IKZF2: variants seen among roughly 807,000 people sequenced by gnomAD.
IKZF2 encodes the protein zinc finger protein Helios.
A neutral mutation model predicts 49.2 loss-of-function variants in IKZF2; 15 were observed. The ratio of observed to expected loss-of-function variants is 0.30; its 90% CI spans 0.20 to 0.47. The LOEUF (loss-of-function observed/expected upper bound fraction) is 0.47, where lower values mean the gene tolerates loss of function less well. Among genes scored for constraint, IKZF2 ranks in the 20% least tolerant of loss-of-function variants. The pLI, the probability that IKZF2 is intolerant of heterozygous loss-of-function variation, is 1.00. For synonymous variants in IKZF2, 227 were observed against 221.4 expected (o/e 1.03, Z -0.23); for missense variants, 567 against 664.6 (o/e 0.85, Z 1.61).
intron 4 of IKZF2, among the ~76,000 whole-genome samples, chr2:213,126,240 G>A (rs996620541): frequency 6.6e-5 from 10 of 152,102 alleles, no homozygotes; most frequent in Middle Eastern, 3.2e-3. Flanking sequence ...CAGAACTTAC[G>A]TAATGGATGG....
intron 4 of IKZF2, among the ~76,000 whole-genome samples, chr2:213,112,264 T>G (rs1283764636): frequency 6.6e-6 from 1 of 150,902 alleles, no homozygotes. Flanking sequence ...ACAGATTTAC[T>G]GAACATCAAC....
chr2:213,036,111 T>C (rs1033829537), intron 6 of IKZF2, among the ~76,000 whole-genome samples: 2 of 152,204 alleles, frequency 1.3e-5, no homozygotes, highest in Non-Finnish European at 2.9e-5. Context: ...TCAAGCCTCA[T>C]GATAGATTTT....
chr2:213,113,210 T>G (rs2059769862), intron 4 of IKZF2, among the ~76,000 whole-genome samples: 1 of 152,188 alleles, frequency 6.6e-6, no homozygotes, highest in African/African-American at 2.4e-5. Context: ...ATTCCTACTT[T>G]ATATGGATGT....
chr2:213,080,349 T>C (rs1216664156), intron 4 of IKZF2, among the ~76,000 whole-genome samples: 1 of 152,168 alleles, frequency 6.6e-6, no homozygotes, highest in Non-Finnish European at 1.5e-5. Context: ...GAAAGTATTT[T>C]GGGATATGGA....
intron 4 of IKZF2, among the ~76,000 whole-genome samples, chr2:213,085,067 AAC>A: frequency 6.6e-6 from 1 of 152,342 alleles, no homozygotes; most frequent in African/African-American, 2.4e-5. Context: ...CCAGGCACTT[AAC>A]ACAGTGGCTG....
chr2:213,034,610 A>G (rs1427753439), intron 6 of IKZF2, among the ~76,000 whole-genome samples: 1 of 152,208 alleles, frequency 6.6e-6, no homozygotes. Flanking sequence ...AACATTTATC[A>G]ACACAAAAAT....
At chr2:213,137,506 A>G (rs188619171) in intron 4 of IKZF2, among the ~76,000 whole-genome samples, 14 of 152,216 alleles carry the variant, frequency 9.2e-5, no homozygotes, top group African/African-American at 3.1e-4. Context: ...TGATCTGAGC[A>G]AGCATTTCTA....
chr2:213,148,572 A>C (rs1335461649), intron 3 of IKZF2, 24 bp downstream of exon 3: 1 of 1,575,702 alleles, frequency 6.3e-7, no homozygotes, highest in Non-Finnish European at 8.7e-7. Flanking sequence ...TACCAATAAC[A>C]AATCAATGAA....
At chr2:213,020,984 G>A (rs939585843) in intron 7 of IKZF2, among the ~76,000 whole-genome samples, 9 of 152,132 alleles carry the variant, frequency 5.9e-5, no homozygotes, top group Non-Finnish European at 1.3e-4. Context: ...AAGGCAAGGC[G>A]GGCAGCTCAC....
rs115182573 is a variant in IKZF2, at chr2:213,007,921, C to T, written c.1020G>A (p.Pro340=). Residue 340 remains proline, a synonymous_variant, in exon 9 of 9, where the codon CCG becomes CCA. Coordinates refer to ENST00000434687, the MANE Select transcript of IKZF2 (RefSeq NM_001387220.1). ...GGGCCACTTCAGCGATTGTGCTTGG[C>T]GGGTGCTGCATCAGAGGGTGAAGGG... ...AEALHPLMQH[P]PSTIAEVAPV... The T allele has an allele frequency of 6.5e-4, 1,051 of 1,613,364 alleles. 5 individuals carry two copies. In the African/African-American group the frequency reaches 0.013, roughly 20 times the overall value.
chr2:213,073,455 T>C (rs1702919308), intron 4 of IKZF2, among the ~76,000 whole-genome samples: 1 of 152,106 alleles, frequency 6.6e-6, no homozygotes, highest in Non-Finnish European at 1.5e-5. Flanking sequence ...AAACAAATGA[T>C]AGTAATCCAT....
rs549208715 is a variant in IKZF2, at chr2:213,086,023, C to A, written c.140-28924G>T. Among the ~76,000 whole-genome samples the A allele has an allele frequency of 5.9e-4, 90 of 152,154 alleles. No homozygotes were observed. In the Middle Eastern group the frequency reaches 0.01, roughly 17 times the overall value. ...ACGTGGGGTAAAGAATAATTGCTAA[C>A]CCAAACTGAGGGCAACACCAAATGC... On this transcript the variant is annotated intron_variant, in intron 4 of 8. Transcript: ENST00000434687.
At chr2:213,118,728 G>C (rs2059956026) in intron 4 of IKZF2, among the ~76,000 whole-genome samples, 1 of 150,286 alleles carries the variant, frequency 6.7e-6, no homozygotes. Context: ...TTTTGTGCTT[G>C]TGAAAAAAGA....
chr2:213,075,137 T>G (rs1703116753), intron 4 of IKZF2, among the ~76,000 whole-genome samples: 1 of 152,202 alleles, frequency 6.6e-6, no homozygotes, highest in South Asian at 2.1e-4. Context: ...TCTGTTCTGC[T>G]GGCTTAATAT....
chr2:213,074,334 A>T (rs74349653), intron 4 of IKZF2, among the ~76,000 whole-genome samples: 1,941 of 152,334 alleles, frequency 0.013, 40 homozygotes, highest in African/African-American at 0.044. Context: ...GCCGTATGGT[A>T]TATATTGCCT....
chr2:213,076,380 A>G (rs1703263525), intron 4 of IKZF2, among the ~76,000 whole-genome samples: 3 of 152,242 alleles, frequency 2.0e-5, no homozygotes, highest in Admixed American at 6.5e-5. Flanking sequence ...AGAATAAGAC[A>G]GAGAACTATT....
chr2:213,152,381 G>C (rs2061306514), upstream of IKZF2: 2 of 152,262 alleles, frequency 1.3e-5, no homozygotes, highest in South Asian at 4.1e-4. Flanking sequence ...GACCTGAAGC[G>C]GGATAAGAGG....
chr2:213,062,238 T>C lies in IKZF2; in HGVS notation c.140-5139A>G, dbSNP rs1047580850. On this transcript the variant is annotated intron_variant, in intron 4 of 8. Transcript: ENST00000434687. ...AACTGAAAATATCAATTTAAGACAT[T>C]TTTAAATATACATATTAAACTTTCT... Among the ~76,000 whole-genome samples the C allele has an allele frequency of 8.6e-5, 13 of 151,688 alleles. 1 individual carries two copies. The highest frequency in any genetic ancestry group is 3.0e-5 in the Non-Finnish European group (2 of 67,722).
At chr2:213,136,370 CAAAAAAAAAA>C (rs11325415) in intron 4 of IKZF2, among the ~76,000 whole-genome samples, 1 of 53,660 alleles carries the variant, frequency 1.9e-5, no homozygotes. Flanking sequence ...GACACTGTCT[CAAAAAAAAAA>C]AAAAAAAAAA....
Sources: gnomAD v4.1 joint callset for allele counts (sites outside exome capture counted in the v4.1 genomes callset) on GRCh38, gnomAD v4.1.1 for gene constraint, MANE v1.5 for transcripts, NCBI Gene and HGNC (gene_info 2026-07-23, HGNC 2026-07-21) for gene names.